The following YRDC variants were observed in gnomAD, a reference collection of about 807,000 sequenced individuals.
YRDC encodes the protein threonylcarbamoyl-AMP synthase.
A neutral mutation model predicts 21.5 loss-of-function variants in YRDC; 17 were observed. The observed-to-expected ratio is 0.79, with a 90% CI of 0.54 to 1.19. YRDC has a LOEUF of 1.19. Ranked by LOEUF, YRDC falls within the 50% of genes most tolerant of loss-of-function variation. The probability of loss-of-function intolerance (pLI) is 0.00; values close to 1 mark genes in which losing one functional copy is unlikely to be tolerated. For missense variants in YRDC, 380 were observed against 397.1 expected (o/e 0.96, Z 0.37); for synonymous variants, 193 against 176.7 (o/e 1.09, Z -0.73).
chr1:37,805,691 C>T (rs1646729541), intron 3 of YRDC, among the ~76,000 whole-genome samples: 1 of 152,204 alleles, frequency 6.6e-6, no homozygotes, highest in African/African-American at 2.4e-5. Context: ...CAAACCTGCA[C>T]TCTGAGAATG....
intron 3 of YRDC, among the ~76,000 whole-genome samples, chr1:37,805,602 T>C (rs1557578376): frequency 3.3e-5 from 5 of 152,124 alleles, no homozygotes; most frequent in Admixed American, 2.0e-4. Context: ...GGTCAAATGA[T>C]TGCTGACAAG....
At chr1:37,807,423 G>C (rs1413849022) in intron 1 of YRDC, 1 of 613,968 alleles carries the variant, frequency 1.6e-6, no homozygotes. Context: ...CTGGTCTCAG[G>C]GACTACAACA....
Position 37,803,122 on chromosome 1 carries a change from A to G in YRDC, c.*803T>C, listed in dbSNP as rs1221308955. On this transcript the variant is annotated 3_prime_UTR_variant, in exon 5 of 5. Coordinates refer to ENST00000373044, the MANE Select transcript of YRDC (RefSeq NM_024640.4). ...TAACTATAATTTATTTTATGAATAA[A>G]TAAGAAAAAAGTCCCTGGCTATAAA... 6.6e-6 allele frequency: 1 copy of G among 152,240 alleles called. No individual in the cohort carries two copies. Among genetic ancestry groups the G allele is most frequent in the Non-Finnish European group, 1.5e-5 (1 of 68,044 alleles). 9.4% of individuals were successfully genotyped at this position (152,240 alleles called of 1,614,324 possible). A position where few individuals can be genotyped will look rare whatever the true frequency, so the allele number is the denominator to read the frequency against.
intron 3 of YRDC, among the ~76,000 whole-genome samples, chr1:37,806,033 A>G (rs1216893394): frequency 6.6e-6 from 1 of 152,086 alleles, no homozygotes; most frequent in East Asian, 1.9e-4. Flanking sequence ...CTTTGTTCTA[A>G]TCTATGTAGC....
chr1:37,804,448 A>T lies in YRDC; in HGVS notation c.625-4T>A, dbSNP rs541580131. 2 of 1,609,772 alleles carry T rather than the reference A, an allele frequency of 1.2e-6. No individual in the cohort carries two copies. Among genetic ancestry groups the T allele is most frequent in the South Asian group, 2.2e-5 (2 of 90,864 alleles). On this transcript the variant is annotated splice_polypyrimidine_tract_variant and splice_region_variant and intron_variant, in intron 3 of 4. Transcript: ENST00000373044. Reference sequence around the variant, plus strand: ...GAGGCCAGAGATCCTGGAACTCCTGAGAAGAGGGAGAAGGAAGAGCATGGA... The same window carrying T: ...GAGGCCAGAGATCCTGGAACTCCTGTGAAGAGGGAGAAGGAAGAGCATGGA...
intron 3 of YRDC, 115 bp downstream of exon 3, chr1:37,806,742 G>A: frequency 6.6e-7 from 1 of 1,514,586 alleles, no homozygotes; most frequent in Non-Finnish European, 8.9e-7. Flanking sequence ...CCTTCCCACT[G>A]TTGGCCCAAG....
chr1:37,804,501 C>T lies in YRDC; in HGVS notation c.625-57G>A, dbSNP rs1028215597. 13 of 1,560,922 alleles carry T rather than the reference C, an allele frequency of 8.3e-6. No homozygotes were observed. The African/African-American group carries it at 1.5e-4, about 18-fold the overall frequency. Reference sequence around the variant, plus strand: ...CTATCCCTGGTGTATCCAATAATGTCAAACTGCACGCAGTCATCAAAGGCC... The same window carrying T: ...CTATCCCTGGTGTATCCAATAATGTTAAACTGCACGCAGTCATCAAAGGCC... On this transcript the variant is annotated intron_variant, in intron 3 of 4. Transcript: ENST00000373044.
chr1:37,807,620 G>A (rs540191920), intron 1 of YRDC, 172 bp downstream of exon 1: 49 of 1,226,322 alleles, frequency 4.0e-5, no homozygotes, highest in Non-Finnish European at 5.2e-5. Context: ...CCAGCAGCAT[G>A]TAGTTCAGGG....
intron 1 of YRDC, 146 bp from the exon 2 acceptor site, chr1:37,807,361 A>G (rs1223093959): frequency 1.3e-6 from 1 of 777,434 alleles, no homozygotes; most frequent in South Asian, 1.7e-5. Flanking sequence ...TAAGAGCTTG[A>G]GCAGAAAGCA....
In YRDC at chr1:37,807,175, G is replaced by T; in HGVS notation, c.430C>A (p.Leu144Ile). Reference sequence around the variant, plus strand: ...ACCAGGGTCACTGGTCCTGGCAGTAGGTCTTTCAGGAGCCCCTCAGGTACT... The same window carrying T: ...ACCAGGGTCACTGGTCCTGGCAGTATGTCTTTCAGGAGCCCCTCAGGTACT... ...VRVPEGLLKD[L>I]LPGPVTLVME... The change falls in exon 2 of 5, where the codon CTA (leucine) becomes ATA (isoleucine). Residue 144 changes from leucine to isoleucine, a missense_variant. Coordinates refer to ENST00000373044, the MANE Select transcript of YRDC (RefSeq NM_024640.4). The T allele has an allele frequency of 6.2e-7, 1 of 1,614,116 alleles. No homozygotes were observed. The highest frequency in any genetic ancestry group is 1.1e-5 in the South Asian group (1 of 91,090).
chr1:37,804,232 T>G, intron 4 of YRDC, 70 bp downstream of exon 4: 1 of 1,567,428 alleles, frequency 6.4e-7, no homozygotes, highest in Middle Eastern at 1.7e-4. Context: ...ATCTTTATCT[T>G]GTCAAAGCTT....
In YRDC at chr1:37,803,740, C is replaced by A. The variant is rs988049650; in HGVS notation, c.*185G>T. On this transcript the variant is annotated 3_prime_UTR_variant, in exon 5 of 5. Coordinates refer to ENST00000373044, the MANE Select transcript of YRDC (RefSeq NM_024640.4). Reference sequence around the variant, plus strand: ...AATACAAATAAATACATCCTTTCCCCAGGTGCAAGGCTAAACCAGCAGCTC... The same window carrying A: ...AATACAAATAAATACATCCTTTCCCAAGGTGCAAGGCTAAACCAGCAGCTC... 1 of 552,270 alleles carries A rather than the reference C, an allele frequency of 1.8e-6. No individual in the cohort carries two copies. The allele number at this position is 552,270 out of a possible 1,614,324, so 34.2% of individuals were successfully genotyped here. A position where few individuals can be genotyped will look rare whatever the true frequency, so the allele number is the denominator to read the frequency against.
intron 1 of YRDC, 137 bp from the exon 2 acceptor site, chr1:37,807,352 A>C: frequency 2.4e-6 from 2 of 818,772 alleles, no homozygotes; most frequent in Non-Finnish European, 3.8e-6. Context: ...TCACCTCCCT[A>C]AGAGCTTGAG....
In YRDC at chr1:37,804,405, C is replaced by G; in HGVS notation, c.664G>C (p.Asp222His). The G allele has an allele frequency of 6.2e-7, 1 of 1,614,094 alleles. No individual in the cohort carries two copies. Among genetic ancestry groups the G allele is most frequent in the Non-Finnish European group, 8.5e-7 (1 of 1,179,972 alleles). Residue 222 changes from aspartate (D) to histidine (H), a missense_variant, in exon 4 of 5, where the codon GAT becomes CAT. Physicochemically the swap from Asp to His is moderately conservative, Grantham distance 81. Around this residue, in one of 3 missense-constraint regions of YRDC, gnomAD observed 238 missense variants for 236.5 expected, o/e 1.01. Transcript: ENST00000373044. The stretch of plus-strand genomic sequence containing the variant: ...TGGCCATCCCCAATTTGTCCCCCAT[C>G]AATAACCAAGGACAACTGAGGCCAG... ...DLWPQLSLVI[D>H]GGQIGDGQSP...
At chr1:37,807,264 TG>T in intron 1 of YRDC, 49 bp from the exon 2 acceptor site, 2 of 1,548,768 alleles carry the variant, frequency 1.3e-6, no homozygotes, top group Non-Finnish European at 1.8e-6. Context: ...GGGCCACTGG[TG>T]GTCCTTTCCT....
intron 3 of YRDC, among the ~76,000 whole-genome samples, chr1:37,805,585 T>C (rs1407959728): frequency 6.6e-6 from 1 of 152,224 alleles, no homozygotes; most frequent in African/African-American, 2.4e-5. Context: ...AGTTACTGTG[T>C]TGGACAGGTC....
intron 4 of YRDC, 120 bp from the exon 5 acceptor site, chr1:37,804,117 G>C (rs1224805217): frequency 2.6e-5 from 38 of 1,449,102 alleles, no homozygotes; most frequent in Non-Finnish European, 3.5e-5. Flanking sequence ...ATCAACCCTT[G>C]ATGAAACCTT....
chr1:37,806,392 G>T (rs1429605614), intron 3 of YRDC, among the ~76,000 whole-genome samples: 1 of 152,120 alleles, frequency 6.6e-6, no homozygotes, highest in Non-Finnish European at 1.5e-5. Context: ...ATTAGAGATG[G>T]AGTTTTGCCA....
chr1:37,805,113 G>A (rs887867287), intron 3 of YRDC, among the ~76,000 whole-genome samples: 10 of 151,790 alleles, frequency 6.6e-5, no homozygotes, highest in Admixed American at 2.6e-4. Context: ...AAAATTAGCC[G>A]GGCATGGTGG....
Sources: gnomAD v4.1 joint callset for allele counts (sites outside exome capture counted in the v4.1 genomes callset) on GRCh38, gnomAD v4.1.1 for gene constraint, gnomAD v4.1.1 regional missense constraint, MANE v1.5 for transcripts, NCBI Gene and HGNC (gene_info 2026-07-23, HGNC 2026-07-21) for gene names.